GRM3: variants seen among roughly 807,000 people sequenced by gnomAD.
GRM3 encodes the protein glutamate metabotropic receptor 3, also known as metabotropic glutamate receptor 3.
A neutral mutation model predicts 70.5 loss-of-function variants in GRM3; 26 were observed. That is an observed-to-expected ratio of 0.37 (90% CI 0.27 to 0.51). GRM3 has a LOEUF of 0.51. Ranked by LOEUF, GRM3 falls within the 20% of genes least tolerant of loss-of-function variation. GRM3 has a pLI of 0.93. For synonymous variants in GRM3, 443 were observed against 434.9 expected (o/e 1.02, Z -0.23); for missense variants, 859 against 1,123.8 (o/e 0.76, Z 3.37).
intron 1 of GRM3, among the ~76,000 whole-genome samples, chr7:86,764,023 G>A (rs55776729): frequency 0.057 from 8,597 of 152,114 alleles, 360 homozygotes; most frequent in African/African-American, 0.12. Flanking sequence ...TGGTAGCAGG[G>A]GGTGAAGTGG....
intron 3 of GRM3, among the ~76,000 whole-genome samples, chr7:86,826,398 A>G (rs981052515): frequency 2.0e-5 from 3 of 152,160 alleles, no homozygotes; most frequent in Non-Finnish European, 4.4e-5. Context: ...TGAAGAGGAG[A>G]TGTGCAGCTG....
intron 1 of GRM3, among the ~76,000 whole-genome samples, chr7:86,735,222 G>T (rs1562842991): frequency 6.6e-6 from 1 of 152,132 alleles, no homozygotes; most frequent in Non-Finnish European, 1.5e-5. Context: ...TCAGCCTTCA[G>T]TCCTAACTTA....
intron 5 of GRM3, among the ~76,000 whole-genome samples, chr7:86,860,286 G>C (rs1798929903): frequency 6.6e-6 from 1 of 152,076 alleles, no homozygotes; most frequent in Admixed American, 6.6e-5. Flanking sequence ...TATTACCTTG[G>C]TGAATAACAG....
intron 2 of GRM3, among the ~76,000 whole-genome samples, chr7:86,775,449 T>C (rs550692709): frequency 2.6e-5 from 4 of 152,106 alleles, no homozygotes; most frequent in Non-Finnish European, 5.9e-5. Flanking sequence ...CAAGAACCCA[T>C]AGCCTAAGTC....
At chr7:86,824,927 G>A (rs531438898) in intron 3 of GRM3, among the ~76,000 whole-genome samples, 16 of 152,122 alleles carry the variant, frequency 1.1e-4, no homozygotes, top group Non-Finnish European at 1.8e-4. Flanking sequence ...GAAGAATAGT[G>A]AGACTCAAAT....
chr7:86,826,357 A>G (rs964152076), intron 3 of GRM3, among the ~76,000 whole-genome samples: 2 of 152,230 alleles, frequency 1.3e-5, no homozygotes, highest in Non-Finnish European at 2.9e-5. Context: ...CCTGCTGCAG[A>G]CAAGAATTTG....
At chr7:86,782,361 A>T (rs13229442) in intron 2 of GRM3, among the ~76,000 whole-genome samples, 24,040 of 149,668 alleles carry the variant, frequency 0.16, 2,082 homozygotes, top group Middle Eastern at 0.25. Context: ...CCTACTTTTG[A>T]GTGTGATAAC....
In GRM3 at chr7:86,806,520, T is replaced by C. The variant is rs551392250; in HGVS notation, c.1324+19404T>C. Among the ~76,000 whole-genome samples, 44 of 152,350 alleles carry C rather than the reference T, an allele frequency of 2.9e-4. 2 individuals are homozygous for C. In the South Asian group the frequency reaches 9.1e-3, roughly 32 times the overall value. ...GCTAGTGATGATGAGCATTTTTTCA[T>C]GTGTCTGTTGGCTGCATAAATGTCT... is the stretch of plus-strand genomic sequence containing the variant. On this transcript the variant is annotated intron_variant, in intron 3 of 5. Transcript: ENST00000361669.
intron 1 of GRM3, chr7:86,710,254 G>A (rs1177028064): frequency 1.3e-5 from 2 of 151,406 alleles, no homozygotes; most frequent in East Asian, 3.9e-4. Context: ...CCCTAACTTT[G>A]AATTTAGTTA....
chr7:86,695,586 C>A (rs1415029576), intron 1 of GRM3, among the ~76,000 whole-genome samples: 1 of 152,138 alleles, frequency 6.6e-6, no homozygotes, highest in Non-Finnish European at 1.5e-5. Context: ...GGCTTCAAAT[C>A]ATGAACTCCC....
chr7:86,806,215 G>A (rs970837613), intron 3 of GRM3, among the ~76,000 whole-genome samples: 1 of 152,152 alleles, frequency 6.6e-6, no homozygotes, highest in East Asian at 1.9e-4. Context: ...ACATACATGT[G>A]CATGTGTCTA....
intron 2 of GRM3, among the ~76,000 whole-genome samples, chr7:86,774,605 A>G (rs992927977): frequency 2.0e-5 from 3 of 152,146 alleles, no homozygotes; most frequent in Non-Finnish European, 2.9e-5. Context: ...TTTTAAACAT[A>G]GACCAGATTT....
chr7:86,727,026 A>G (rs1795608339), intron 1 of GRM3, among the ~76,000 whole-genome samples: 1 of 152,206 alleles, frequency 6.6e-6, no homozygotes, highest in South Asian at 2.1e-4. Flanking sequence ...GATAGAAACT[A>G]CAGATTAGGA....
intron 1 of GRM3, among the ~76,000 whole-genome samples, chr7:86,652,045 A>C (rs1203027215): frequency 6.6e-6 from 1 of 152,218 alleles, no homozygotes; most frequent in Non-Finnish European, 1.5e-5. Context: ...GGTAGAATGA[A>C]CAATTAATTT....
intron 1 of GRM3, among the ~76,000 whole-genome samples, chr7:86,710,798 T>C (rs1795180016): frequency 6.6e-6 from 1 of 152,050 alleles, no homozygotes; most frequent in Non-Finnish European, 1.5e-5. Context: ...GATAATAACA[T>C]GTCTTTAAAG....
intron 2 of GRM3, among the ~76,000 whole-genome samples, chr7:86,768,996 G>T (rs1183640316): frequency 6.6e-6 from 1 of 152,104 alleles, no homozygotes; most frequent in Non-Finnish European, 1.5e-5. Flanking sequence ...CCTTTAATAA[G>T]AATTCTAAAA....
rs780471213 is a variant in GRM3 at position 86,669,714 on chromosome 7, A to G, written c.-141+24842A>G. On this transcript the variant is annotated intron_variant, in intron 1 of 5. Coordinates refer to ENST00000361669, the MANE Select transcript of GRM3 (RefSeq NM_000840.3). Reference sequence around the variant, plus strand: ...TTCCAAGTCCTTCTCTTCTGTCTAAAAACATGCCCAATATTTTAATTATAT... The same window carrying G: ...TTCCAAGTCCTTCTCTTCTGTCTAAGAACATGCCCAATATTTTAATTATAT... 1.8e-3 allele frequency among the ~76,000 whole-genome samples: 271 copies of G among 152,312 alleles called. 2 individuals carry two copies. Among genetic ancestry groups the G allele is most frequent in the Non-Finnish European group, 3.1e-3 (211 of 68,032 alleles).
intron 3 of GRM3, among the ~76,000 whole-genome samples, chr7:86,821,357 A>G (rs1798116536): frequency 6.6e-6 from 1 of 152,198 alleles, no homozygotes; most frequent in Non-Finnish European, 1.5e-5. Context: ...GTGGTTACAC[A>G]GTGGTGGAAA....
intron 1 of GRM3, among the ~76,000 whole-genome samples, chr7:86,692,244 C>A (rs1306666533): frequency 6.6e-6 from 1 of 152,196 alleles, no homozygotes; most frequent in Non-Finnish European, 1.5e-5. Context: ...AAGTCAGTTT[C>A]TAATCCTCTG....
Sources: allele counts gnomAD v4.1 joint callset (sites outside exome capture counted in the v4.1 genomes callset), GRCh38; gene constraint gnomAD v4.1.1; transcripts MANE v1.5; gene names NCBI Gene and HGNC (gene_info 2026-07-23, HGNC 2026-07-21).